CDH12: variants seen among roughly 807,000 people sequenced by gnomAD.
The protein encoded by CDH12 is cadherin-12.
Under a neutral mutation model 74.1 loss-of-function variants are expected in CDH12, and 41 were observed. The observed-to-expected ratio is 0.55, with a 90% CI of 0.43 to 0.72. The LOEUF is 0.72. CDH12 is among the 30% of genes least tolerant of loss of function. The probability of loss-of-function intolerance (pLI) is 0.00; values close to 1 mark genes in which losing one functional copy is unlikely to be tolerated. For missense variants in CDH12, 945 were observed against 977.2 expected, an observed-to-expected ratio of 0.97 and a Z score of 0.44; for synonymous variants, 399 against 355.0, an observed-to-expected ratio of 1.12 and a Z score of -1.39.
chr5:22,473,620 C>CA (rs952233083), intron 2 of CDH12, among the ~76,000 whole-genome samples: 4 of 151,974 alleles, frequency 2.6e-5, no homozygotes, highest in African/African-American at 9.7e-5. Context: ...TTATTAATTG[C>CA]AAAAAATTTG....
chr5:21,906,774 T>C (rs1753660483), intron 6 of CDH12, among the ~76,000 whole-genome samples: 1 of 152,222 alleles, frequency 6.6e-6, no homozygotes, highest in Admixed American at 6.5e-5. Context: ...TCTGATACCC[T>C]GCCCTCTCCA....
intron 1 of CDH12, among the ~76,000 whole-genome samples, chr5:22,548,828 G>A (rs1470790648): frequency 2.0e-5 from 3 of 152,020 alleles, no homozygotes; most frequent in Non-Finnish European, 4.4e-5. Context: ...GGGGCATGTC[G>A]CATTGCCATC....
At chr5:21,802,593 C>CTTTTTTTTTTTTTTTTTT (rs35742047) in intron 9 of CDH12, among the ~76,000 whole-genome samples, 173 bp from the exon 10 acceptor site, 1 of 120,194 alleles carries the variant, frequency 8.3e-6, no homozygotes, top group African/African-American at 3.1e-5. Context: ...ATTTTTTTTT[C>CTTTTTTTTTTTTTTTTTT]TTTTTTTTTT....
chr5:22,534,121 TC>T (rs897567171), intron 1 of CDH12, among the ~76,000 whole-genome samples: 46 of 152,148 alleles, frequency 3.0e-4, no homozygotes, highest in African/African-American at 9.7e-4. Context: ...CAAGCTCTTC[TC>T]CCCTTGCTTT....
At chr5:22,331,219 G>A (rs1422276179) in intron 3 of CDH12, among the ~76,000 whole-genome samples, 1 of 152,154 alleles carries the variant, frequency 6.6e-6, no homozygotes, top group Non-Finnish European at 1.5e-5. Context: ...GGATATCCCT[G>A]GGTCCTGGGG....
intron 6 of CDH12, among the ~76,000 whole-genome samples, chr5:21,871,210 A>C (rs1020583944): frequency 6.6e-6 from 1 of 152,172 alleles, no homozygotes; most frequent in African/African-American, 2.4e-5. Flanking sequence ...ATAGCTTGAC[A>C]TTGTGATTAT....
chr5:22,159,042 G>A (rs537814785), intron 4 of CDH12, among the ~76,000 whole-genome samples: 51 of 152,148 alleles, frequency 3.4e-4, no homozygotes, highest in Admixed American at 3.1e-3. Context: ...TGAATATACA[G>A]GTTCCTGAAA....
chr5:22,446,174 T>C (rs890501413), intron 2 of CDH12, among the ~76,000 whole-genome samples: 8 of 152,090 alleles, frequency 5.3e-5, no homozygotes, highest in Non-Finnish European at 7.3e-5. Flanking sequence ...ACTGTGTCCT[T>C]GACATCAGGA....
At chr5:21,869,103 C>T (rs761193476) in intron 6 of CDH12, among the ~76,000 whole-genome samples, 3 of 152,092 alleles carry the variant, frequency 2.0e-5, no homozygotes, top group Admixed American at 1.3e-4. Context: ...GCTCCTCATG[C>T]ATCTAAGTCA....
rs979856184 is a variant in CDH12, at chr5:22,736,912, T to C, written c.-523+116146A>G. Reference sequence around the variant, plus strand: ...TTTAAGCCACTGTTAATACAGTCCATAGTAACCAGAAGCAATACTTTATTT... The same window carrying C: ...TTTAAGCCACTGTTAATACAGTCCACAGTAACCAGAAGCAATACTTTATTT... On this transcript the variant is annotated intron_variant, in intron 1 of 14. Coordinates refer to ENST00000382254, the MANE Select transcript of CDH12 (RefSeq NM_004061.5). Among the ~76,000 whole-genome samples the C allele has an allele frequency of 5.3e-5, 8 of 152,080 alleles. No homozygotes were observed. In the South Asian group the frequency reaches 1.7e-3, roughly 31 times the overall value.
chr5:22,664,768 T>C (rs566988006), intron 1 of CDH12, among the ~76,000 whole-genome samples: 2 of 152,254 alleles, frequency 1.3e-5, no homozygotes, highest in South Asian at 4.1e-4. Flanking sequence ...AAGTAATTTG[T>C]CCAAGGTTAT....
At chr5:22,752,398 G>A (rs72748730) in intron 1 of CDH12, among the ~76,000 whole-genome samples, 10,944 of 151,754 alleles carry the variant, frequency 0.072, 522 homozygotes, top group Non-Finnish European at 0.1. Context: ...CATGAAGCAT[G>A]ATACCTTTTC....
chr5:22,315,039 C>T (rs1738562564), intron 3 of CDH12, among the ~76,000 whole-genome samples: 1 of 117,980 alleles, frequency 8.5e-6, no homozygotes, highest in African/African-American at 3.3e-5. Context: ...CTGCAAGCTC[C>T]GCCTCCCAGG....
At chr5:22,783,142 G>A (rs1289586512) in intron 1 of CDH12, among the ~76,000 whole-genome samples, 2 of 152,040 alleles carry the variant, frequency 1.3e-5, no homozygotes, top group Non-Finnish European at 2.9e-5. Context: ...TTTGCTTTTA[G>A]GACCTAGGCT....
At chr5:22,741,037 G>T (rs562478215) in intron 1 of CDH12, among the ~76,000 whole-genome samples, 1 of 152,196 alleles carries the variant, frequency 6.6e-6, no homozygotes, top group East Asian at 1.9e-4. Flanking sequence ...CACCAAAGTA[G>T]AAGAGAATTT....
At chr5:22,101,690 C>T (rs1273775617) in intron 4 of CDH12, among the ~76,000 whole-genome samples, 2 of 152,176 alleles carry the variant, frequency 1.3e-5, no homozygotes, top group East Asian at 3.9e-4. Context: ...ACCACTTGCT[C>T]CATTGTTTTT....
chr5:22,523,963 C>A (rs955191626), intron 1 of CDH12, among the ~76,000 whole-genome samples: 1 of 150,168 alleles, frequency 6.7e-6, no homozygotes, highest in Non-Finnish European at 1.5e-5. Flanking sequence ...TTCTATGCTT[C>A]ATTCATTTAT....
chr5:22,170,400 G>T (rs916916472), intron 4 of CDH12, among the ~76,000 whole-genome samples: 2 of 151,690 alleles, frequency 1.3e-5, no homozygotes, highest in African/African-American at 4.8e-5. Context: ...TAAGGCAATT[G>T]TACTTCTTTG....
intron 5 of CDH12, among the ~76,000 whole-genome samples, chr5:22,067,792 A>C (rs568548037): frequency 4.6e-4 from 70 of 152,218 alleles, no homozygotes; most frequent in African/African-American, 1.6e-3. Context: ...GAGCCTGACC[A>C]ACATGGAGAA....
Sources: allele counts gnomAD v4.1 joint callset (sites outside exome capture counted in the v4.1 genomes callset), GRCh38; gene constraint gnomAD v4.1.1; transcripts MANE v1.5; gene names NCBI Gene and HGNC (gene_info 2026-07-23, HGNC 2026-07-21).